Variants in PGC observed in about 807,000 individuals in gnomAD.
The protein encoded by PGC is progastricsin.
PGC carries 31 observed loss-of-function variants against 45.9 expected under a neutral mutation model. The observed-to-expected ratio is 0.67, with a 90% confidence interval of 0.51 to 0.91. The LOEUF (loss-of-function observed/expected upper bound fraction) is 0.91. Ranked by LOEUF, PGC falls within the 40% of genes least tolerant of loss-of-function variation. PGC has a pLI of 0.00. For missense variants in PGC, 477 were observed against 493.2 expected (o/e 0.97, Z 0.31); for synonymous variants, 192 against 201.8 (o/e 0.95, Z 0.41).
At chr6:41,746,913 T>G (rs574978103) in intron 1 of PGC, among the ~76,000 whole-genome samples, 3 of 152,204 alleles carry the variant, frequency 2.0e-5, no homozygotes, top group Non-Finnish European at 2.9e-5. Context: ...TTAGAGAGGA[T>G]AGTGGATAAG....
chr6:41,746,957 G>C (rs1015850188), intron 1 of PGC, among the ~76,000 whole-genome samples: 33 of 152,250 alleles, frequency 2.2e-4, no homozygotes, highest in African/African-American at 7.0e-4. Flanking sequence ...GCTCCCTTCT[G>C]TGAGAAGAAT....
At chr6:41,747,172 C>T (rs1424933460) in intron 1 of PGC, 104 bp downstream of exon 1, 3 of 937,860 alleles carry the variant, frequency 3.2e-6, no homozygotes, top group East Asian at 2.4e-5. Context: ...TAGCAGAAGT[C>T]CCAGAGTAGA....
Position 41,744,471 on chromosome 6 carries a change from T to C in PGC, c.254A>G (p.Asn85Ser). ...GEISIGTPPQ[N>S]FLVLFDTGSS... ...GCCGGTGTCAAAAAGGACCAGGAAG[T>C]TCTGGGGTGGAGTCCCGATGCTGAT... The change falls in exon 3 of 9, where the codon AAC becomes AGC. Residue 85 changes from asparagine (N) to serine (S), a missense_variant. Transcript: ENST00000373025. This position sits in a 1 kb window ranked among gnomAD's most constrained non-coding sequence, Gnocchi z 4.4. The C allele has an allele frequency of 6.2e-7, 1 of 1,613,948 alleles. No individual in the cohort carries two copies. The highest frequency in any genetic ancestry group is 8.5e-7 in the Non-Finnish European group (1 of 1,179,990).
At chr6:41,745,404 A>G (rs1346666321) in intron 1 of PGC, among the ~76,000 whole-genome samples, 3 of 151,818 alleles carry the variant, frequency 2.0e-5, no homozygotes, top group African/African-American at 4.8e-5. Flanking sequence ...ATGCCTGGCT[A>G]ATTTTTTGTA....
rs770878687 is a variant in PGC at position 41,742,507 on chromosome 6, GA to G, written c.448-19del. 22 of 1,607,864 alleles carry G rather than the reference GA, an allele frequency of 1.4e-5. No individual in the cohort carries two copies. The African/African-American group carries it at 2.7e-4, about 20-fold the overall frequency. ...CTCTGGACCTAATGGAGACACAAACGAGGGGAGGTGACCAGTCTGACTCCAC... is the reference window on the plus strand; with the variant it reads ...CTCTGGACCTAATGGAGACACAAACGGGGGAGGTGACCAGTCTGACTCCAC... On this transcript the variant is annotated intron_variant, in intron 4 of 8. Coordinates refer to ENST00000373025, the MANE Select transcript of PGC (RefSeq NM_002630.4).
rs6909775 is a variant in PGC at position 41,745,025 on chromosome 6, G to A, written c.60-217C>T. On this transcript the variant is annotated intron_variant, in intron 1 of 8. Transcript: ENST00000373025. ...TGTGTGTGTGTGTGTGCGCGCGCGC[G>A]TGTTTCTTCCTCCCTTTGCCTCTTC... Among the ~76,000 whole-genome samples the A allele has an allele frequency of 6.5e-3, 977 of 151,418 alleles. 10 individuals carry two copies. The highest frequency in any genetic ancestry group is 0.022 in the African/African-American group (901 of 41,196).
At position 41,744,977 on chromosome 6, in the gene PGC, CTCTGTCTG is replaced by C. The variant is rs150011417; in HGVS notation, c.60-177_60-170del. On this transcript the variant is annotated intron_variant, in intron 1 of 8. Transcript: ENST00000373025. This position sits in a 1 kb window ranked among gnomAD's most constrained non-coding sequence, Gnocchi z 4.4. Reference sequence around the variant, plus strand: ...TCTCTCTCAGCCTTTTGCTCTCTGTCTCTGTCTGTCTGTCTCTCTGTGTGTGTGTGTGT... The same window carrying C: ...TCTCTCTCAGCCTTTTGCTCTCTGTCTCTGTCTCTCTGTGTGTGTGTGTGT... 8.3e-6 allele frequency among the ~76,000 whole-genome samples: 1 copy of C among 121,154 alleles called. No homozygotes were observed. Among genetic ancestry groups the C allele is most frequent in the African/African-American group, 3.3e-5 (1 of 30,310 alleles). 79.5% of individuals were successfully genotyped at this position (121,154 alleles called of 152,430 possible).
chr6:41,741,566 A>C (rs1771824067), intron 5 of PGC, among the ~76,000 whole-genome samples: 1 of 152,174 alleles, frequency 6.6e-6, no homozygotes, highest in African/African-American at 2.4e-5. Flanking sequence ...AAATAGCTTG[A>C]ATCCGGGAGG....
intron 5 of PGC, 31 bp downstream of exon 5, chr6:41,742,259 G>A (rs1771841178): frequency 6.2e-7 from 1 of 1,601,644 alleles, no homozygotes; most frequent in Non-Finnish European, 8.5e-7. Context: ...GAGCATCCCG[G>A]GAGGTGGGGA....
chr6:41,744,559 G>A lies in PGC; in HGVS notation c.211-45C>T, dbSNP rs1166870104. The A allele has an allele frequency of 6.3e-7, 1 of 1,586,184 alleles. No homozygotes were observed. The highest frequency in any genetic ancestry group is 8.6e-7 in the Non-Finnish European group (1 of 1,159,038). On this transcript the variant is annotated intron_variant, in intron 2 of 8. Transcript: ENST00000373025. This position sits in a 1 kb window ranked among gnomAD's most constrained non-coding sequence, Gnocchi z 4.4. The stretch of plus-strand genomic sequence containing the variant: ...CTGTTAGTTCCAGAGGGATCCAGGG[G>A]CCCCAGGCTCCTCCATGGGCAGAGG...
At chr6:41,745,984 G>T (rs998140516) in intron 1 of PGC, among the ~76,000 whole-genome samples, 1 of 151,774 alleles carries the variant, frequency 6.6e-6, no homozygotes, top group African/African-American at 2.4e-5. Context: ...CCAAGATGGT[G>T]AAAACCCATC....
chr6:41,739,035 A>G (rs1771773534), intron 7 of PGC, among the ~76,000 whole-genome samples: 1 of 152,204 alleles, frequency 6.6e-6, no homozygotes, highest in Non-Finnish European at 1.5e-5. Flanking sequence ...GGTCTCCCAA[A>G]ATTAAAATTA....
In PGC at chr6:41,738,155, T is replaced by TGCACACACACACACACAC. The variant is rs1307292218; in HGVS notation, c.916-328_916-327insGTGTGTGTGTGTGTGTGC. Among the ~76,000 whole-genome samples the TGCACACACACACACACAC allele has an allele frequency of 1.8e-4, 6 of 33,018 alleles. 1 individual carries two copies. Among genetic ancestry groups the TGCACACACACACACACAC allele is most frequent in the Admixed American group, 7.7e-4 (2 of 2,614 alleles). The allele number at this position is 33,018 out of a possible 152,430, so 21.7% of individuals were successfully genotyped here. On this transcript the variant is annotated intron_variant, in intron 7 of 8. Transcript: ENST00000373025. ...ATGCATATATATATGCATATATATA[T>TGCACACACACACACACAC]ACATATATATGCATATATATATACA...
Position 41,741,931 on chromosome 6 carries a change from A to G in PGC, c.647+359T>C. ...GAAAACATTCGGTCAGAAGGAAGTG[A>G]GCGAACTGCCCCACCCGCTTCTCCA... On this transcript the variant is annotated intron_variant, in intron 5 of 8. Transcript: ENST00000373025. The G allele has an allele frequency of 2.8e-6, 3 of 1,063,284 alleles. No individual in the cohort carries two copies. The South Asian group carries it at 4.0e-5, about 14-fold the overall frequency. 65.9% of individuals were successfully genotyped at this position (1,063,284 alleles called of 1,614,324 possible). A position where few individuals can be genotyped will look rare whatever the true frequency, so the allele number is the denominator to read the frequency against.
At chr6:41,746,778 G>A (rs1236109135) in intron 1 of PGC, among the ~76,000 whole-genome samples, 1 of 152,230 alleles carries the variant, frequency 6.6e-6, no homozygotes, top group African/African-American at 2.4e-5. Flanking sequence ...CTGATGGCCT[G>A]TGAGCCATGC....
intron 5 of PGC, chr6:41,741,179 T>A: frequency 6.5e-7 from 1 of 1,533,054 alleles, no homozygotes; most frequent in Non-Finnish European, 8.7e-7. Context: ...TCCATGTTTG[T>A]TCCAGAGGCT....
chr6:41,740,684 AC>A (rs1454395073), intron 5 of PGC, 74 bp from the exon 6 acceptor site: 1 of 1,516,202 alleles, frequency 6.6e-7, no homozygotes, highest in Non-Finnish European at 8.8e-7. Context: ...AGTCACCTCC[AC>A]AGGGAAACAG....
At chr6:41,740,717 G>A (rs896739197) in intron 5 of PGC, 107 bp from the exon 6 acceptor site, 7 of 1,485,450 alleles carry the variant, frequency 4.7e-6, no homozygotes, top group Non-Finnish European at 6.2e-6. Context: ...TGATCCAGAC[G>A]GGGGCTCCCT....
At chr6:41,741,800 T>C (rs1279101723) in intron 5 of PGC, 1 of 1,536,178 alleles carries the variant, frequency 6.5e-7, no homozygotes, top group Non-Finnish European at 8.7e-7. Flanking sequence ...AACAACCTGC[T>C]AGGGGTCAGC....
Sources: allele counts gnomAD v4.1 joint callset (sites outside exome capture counted in the v4.1 genomes callset), GRCh38; gene constraint gnomAD v4.1.1; non-coding constraint Gnocchi (gnomAD v3.1); transcripts MANE v1.5; gene names NCBI Gene and HGNC (gene_info 2026-07-23, HGNC 2026-07-21).